RASGRF2: variants seen among roughly 807,000 people sequenced by gnomAD.
RASGRF2 encodes ras-specific guanine nucleotide-releasing factor 2.
RASGRF2 carries 76 observed loss-of-function variants against 151.0 expected under a neutral mutation model. That is an observed-to-expected ratio of 0.50 (90% CI 0.42 to 0.61). The LOEUF is 0.61. RASGRF2 is among the 20% of genes least tolerant of loss of function. RASGRF2 has a pLI of 0.00. For missense variants in RASGRF2, 1,148 were observed against 1,564.6 expected (o/e 0.73, Z 4.49); for synonymous variants, 504 against 566.5 (o/e 0.89, Z 1.57).
intron 15 of RASGRF2, among the ~76,000 whole-genome samples, chr5:81,114,147 C>G (rs978307637): frequency 6.6e-6 from 1 of 152,166 alleles, no homozygotes; most frequent in Non-Finnish European, 1.5e-5. Flanking sequence ...TAGTAAAAGG[C>G]TTATTGTGGT....
chr5:81,126,676 T>C (rs1017745281), intron 16 of RASGRF2, among the ~76,000 whole-genome samples: 5 of 152,262 alleles, frequency 3.3e-5, no homozygotes, highest in African/African-American at 9.6e-5. Flanking sequence ...CCTTTTGTGA[T>C]TGGCTCCTTC....
chr5:81,205,970 C>T (rs190800050), intron 19 of RASGRF2, among the ~76,000 whole-genome samples: 5 of 152,202 alleles, frequency 3.3e-5, no homozygotes, highest in Non-Finnish European at 7.4e-5. Context: ...AGGATGGTCT[C>T]GATCTCCTGA....
chr5:81,127,174 G>T lies in RASGRF2; in HGVS notation c.2686+11G>T. 1 of 1,608,978 alleles carries T rather than the reference G, an allele frequency of 6.2e-7. No individual in the cohort carries two copies. Among genetic ancestry groups the T allele is most frequent in the Non-Finnish European group, 8.5e-7 (1 of 1,175,542 alleles). On this transcript the variant is annotated intron_variant, in intron 17 of 26. Transcript: ENST00000265080. The stretch of plus-strand genomic sequence containing the variant: ...ATGGGAGTCCACCAGGTGAGTAGGG[G>T]AGCAGCTATGTACAGATATGTGACC...
intron 5 of RASGRF2, among the ~76,000 whole-genome samples, chr5:81,075,501 C>G (rs927466296): frequency 1.3e-5 from 2 of 152,128 alleles, no homozygotes; most frequent in Admixed American, 1.3e-4. Flanking sequence ...AGCCTTCCCC[C>G]ATCGGAGGCC....
At chr5:81,044,537 C>T (rs1370324220) in intron 2 of RASGRF2, among the ~76,000 whole-genome samples, 3 of 152,210 alleles carry the variant, frequency 2.0e-5, no homozygotes, top group Non-Finnish European at 4.4e-5. Context: ...TCTATTCTCC[C>T]TACCCTCTTC....
rs190496477 is a variant in RASGRF2 at position 81,074,423 on chromosome 5, T to G, written c.887+971T>G. Among the ~76,000 whole-genome samples the G allele has an allele frequency of 4.6e-5, 7 of 152,336 alleles. No homozygotes were observed. The East Asian group carries it at 9.6e-4, about 21-fold the overall frequency. ...CACTCACATGGTTCAAAAGTCAAAA[T>G]AACATGAAAACAGCAGTTAGCAGTT... On this transcript the variant is annotated intron_variant, in intron 5 of 26. Transcript: ENST00000265080.
chr5:81,041,239 T>C (rs1210086770), intron 1 of RASGRF2, among the ~76,000 whole-genome samples: 1 of 150,212 alleles, frequency 6.7e-6, no homozygotes, highest in East Asian at 2.0e-4. Flanking sequence ...GAGACGGAGG[T>C]TGCAATGAGC....
chr5:80,982,589 T>TTATTATTATTATTATTATTAG (rs1748339155), intron 1 of RASGRF2, among the ~76,000 whole-genome samples: 1 of 141,624 alleles, frequency 7.1e-6, no homozygotes, highest in African/African-American at 2.6e-5. Flanking sequence ...TCTATTATTA[T>TTATTATTATTATTATTATTAG]TATTATTATT....
chr5:81,180,254 C>T lies in RASGRF2; in HGVS notation c.2766C>T (p.Leu922=). Residue 922 remains leucine (L), a synonymous_variant, in exon 18 of 27, where the codon CTC becomes CTT. Transcript: ENST00000265080. ...RTATNRVLNV[L]RHWVSKHAQD... is the part of the protein sequence containing the mutation. ...CTACCAATCGAGTTCTGAACGTCCT[C>T]CGTCACTGGGTCTCAAAGCACGCAC... The T allele has an allele frequency of 6.2e-7, 1 of 1,610,990 alleles. No individual in the cohort carries two copies. Among genetic ancestry groups the T allele is most frequent in the Non-Finnish European group, 8.5e-7 (1 of 1,177,376 alleles).
intron 17 of RASGRF2, among the ~76,000 whole-genome samples, chr5:81,142,077 C>G (rs1299884137): frequency 6.6e-6 from 1 of 152,086 alleles, no homozygotes; most frequent in Non-Finnish European, 1.5e-5. Context: ...TTTCCAGGGT[C>G]TAGATTACAA....
intron 1 of RASGRF2, among the ~76,000 whole-genome samples, chr5:81,012,995 A>G (rs544863379): frequency 5.3e-5 from 8 of 152,322 alleles, no homozygotes; most frequent in African/African-American, 1.9e-4. Flanking sequence ...GTTTGGAGAC[A>G]ACAGATTTGG....
chr5:81,094,611 T>TA (rs1752491086), intron 11 of RASGRF2, among the ~76,000 whole-genome samples: 1 of 152,112 alleles, frequency 6.6e-6, no homozygotes, highest in African/African-American at 2.4e-5. Flanking sequence ...GGAATTTTTT[T>TA]TAAAAAAAAC....
intron 12 of RASGRF2, among the ~76,000 whole-genome samples, chr5:81,099,969 A>G (rs1003377176): frequency 5.0e-5 from 7 of 140,086 alleles, no homozygotes; most frequent in Non-Finnish European, 7.5e-5. Flanking sequence ...GTGCAGTGGC[A>G]TGATCTCGGC....
At chr5:80,964,874 C>T (rs1229120874) in intron 1 of RASGRF2, among the ~76,000 whole-genome samples, 2 of 152,062 alleles carry the variant, frequency 1.3e-5, no homozygotes, top group African/African-American at 2.4e-5. Flanking sequence ...TGAAAGTACA[C>T]ATCCCAGTTA....
intron 1 of RASGRF2, among the ~76,000 whole-genome samples, chr5:80,996,686 A>G (rs1273200071): frequency 1.4e-5 from 2 of 142,888 alleles, no homozygotes; most frequent in Non-Finnish European, 3.0e-5. Flanking sequence ...TGCAATCTCC[A>G]CCTCCTGGGT....
At chr5:81,007,177 G>A (rs1290201539) in intron 1 of RASGRF2, among the ~76,000 whole-genome samples, 5 of 152,172 alleles carry the variant, frequency 3.3e-5, no homozygotes, top group African/African-American at 1.2e-4. Context: ...TCATTCGGGA[G>A]GGGGTGTAGC....
intron 1 of RASGRF2, among the ~76,000 whole-genome samples, chr5:81,003,502 C>T (rs916334521): frequency 5.3e-5 from 8 of 152,092 alleles, no homozygotes; most frequent in Non-Finnish European, 8.8e-5. Context: ...GGATTACAGG[C>T]GTGAGCCACT....
rs1249393398 is a variant in RASGRF2, at chr5:81,227,110, C to T, written c.*1340C>T. ...TTCTATTTCCCTGAACCTGTTGCACCTGACATTTTCTCTTAGCAGCATGAA... is the reference window on the plus strand; with the variant it reads ...TTCTATTTCCCTGAACCTGTTGCACTTGACATTTTCTCTTAGCAGCATGAA... On this transcript the variant is annotated 3_prime_UTR_variant, in exon 27 of 27. Coordinates refer to ENST00000265080, the MANE Select transcript of RASGRF2 (RefSeq NM_006909.3). 6.6e-6 allele frequency: 1 copy of T among 152,170 alleles called. No homozygotes were observed. Among genetic ancestry groups the T allele is most frequent in the African/African-American group, 2.4e-5 (1 of 41,448 alleles). 9.4% of individuals were successfully genotyped at this position (152,170 alleles called of 1,614,324 possible).
At chr5:81,172,273 G>A (rs1754674058) in intron 17 of RASGRF2, among the ~76,000 whole-genome samples, 1 of 151,440 alleles carries the variant, frequency 6.6e-6, no homozygotes, top group South Asian at 2.1e-4. Context: ...AACAACACAT[G>A]TTGTTTAAAA....
Sources: gnomAD v4.1 joint callset for allele counts (sites outside exome capture counted in the v4.1 genomes callset) on GRCh38, gnomAD v4.1.1 for gene constraint, MANE v1.5 for transcripts, NCBI Gene and HGNC (gene_info 2026-07-23, HGNC 2026-07-21) for gene names.